The following NR4A3 variants were observed in gnomAD, a reference collection of about 807,000 sequenced individuals.
NR4A3 encodes chondrosarcoma, extraskeletal myxoid, fused to EWS.
Under a neutral mutation model 55.6 loss-of-function variants are expected in NR4A3, and 13 were observed. The observed-to-expected ratio is 0.23, with a 90% CI of 0.15 to 0.37. NR4A3 has a LOEUF of 0.37. Ranked by LOEUF, NR4A3 falls within the 10% of genes least tolerant of loss-of-function variation. The pLI is 1.00. For missense variants in NR4A3, 646 were observed against 822.8 expected (o/e 0.79, Z 2.63); for synonymous variants, 342 against 357.9 (o/e 0.96, Z 0.50).
Position 99,828,486 on chromosome 9 carries a change from C to T in NR4A3, c.444C>T (p.Phe148=). 1.3e-6 allele frequency: 2 copies of T among 1,578,088 alleles called. No homozygotes were observed. Among genetic ancestry groups the T allele is most frequent in the East Asian group, 2.2e-5 (1 of 44,518 alleles). ...SPPSTPTTPA[F]PPQAGALWDE... is the part of the protein sequence containing the mutation. ...CGTCCACCCCCACCACGCCGGCCTT[C>T]CCCCCGCAGGCGGGGGCGTTATGGG... Residue 148 remains phenylalanine, a synonymous_variant, in exon 3 of 8, where the codon TTC becomes TTT. Coordinates refer to ENST00000395097, the MANE Select transcript of NR4A3 (RefSeq NM_006981.4). The surrounding 1 kb of genome is among the most constrained non-coding windows in gnomAD (Gnocchi z 7.7).
chr9:99,828,288 C>T lies in NR4A3; in HGVS notation c.246C>T (p.Pro82=). The change falls in exon 3 of 8, where the codon CCC becomes CCT. Residue 82 remains proline (P), a synonymous_variant. Transcript: ENST00000395097. The surrounding 1 kb of genome is among the most constrained non-coding windows in gnomAD (Gnocchi z 7.7). Reference sequence around the variant, plus strand: ...CCTGCGTGTACCAAATGCAGCGGCCCTTGATCAAAGTGGAGGAGGGGCGGG... The same window carrying T: ...CCTGCGTGTACCAAATGCAGCGGCCTTTGATCAAAGTGGAGGAGGGGCGGG... ...KPSCVYQMQR[P]LIKVEEGRAP... is the part of the protein sequence containing the mutation. 1 of 1,613,982 alleles carries T rather than the reference C, an allele frequency of 6.2e-7. No individual in the cohort carries two copies. Among genetic ancestry groups the T allele is most frequent in the Non-Finnish European group, 8.5e-7 (1 of 1,180,006 alleles).
At chr9:99,823,673 G>GAT (rs761013381) in intron 1 of NR4A3, among the ~76,000 whole-genome samples, 12 of 152,100 alleles carry the variant, frequency 7.9e-5, no homozygotes, top group Non-Finnish European at 1.8e-4. Context: ...CGCTGAACAA[G>GAT]ATGCTCGCAG....
At chr9:99,863,126 TG>T (rs1828036816) in intron 7 of NR4A3, among the ~76,000 whole-genome samples, 1 of 152,236 alleles carries the variant, frequency 6.6e-6, no homozygotes, top group Non-Finnish European at 1.5e-5. Flanking sequence ...CTCCCTTAAA[TG>T]AGTCTGTCAA....
intron 3 of NR4A3, among the ~76,000 whole-genome samples, chr9:99,831,968 T>A (rs576207021): frequency 6.6e-6 from 1 of 152,300 alleles, no homozygotes; most frequent in Admixed American, 6.5e-5. Context: ...ACTGAAAATA[T>A]ATGGCTGTCA....
At chr9:99,847,705 A>G in intron 7 of NR4A3, 90 bp downstream of exon 7, 1 of 1,232,366 alleles carries the variant, frequency 8.1e-7, no homozygotes, top group Non-Finnish European at 1.1e-6. Context: ...ACACACCAGA[A>G]AAGTGGGAAA....
Position 99,828,666 on chromosome 9 carries a change from C to G in NR4A3, c.624C>G (p.Gly208=). 1 of 1,414,758 alleles carries G rather than the reference C, an allele frequency of 7.1e-7. No homozygotes were observed. The highest frequency in any genetic ancestry group is 1.5e-5 in the South Asian group (1 of 67,398). 87.6% of individuals were successfully genotyped at this position (1,414,758 alleles called of 1,614,324 possible). A position where few individuals can be genotyped will look rare whatever the true frequency, so the allele number is the denominator to read the frequency against. ...PHPPAPSPAG[G]HHLGYDPTAA... ...CCCCCGCGCCCAGCCCGGCCGGCGG[C>G]CACCACCTCGGCTACGACCCGACGG... Residue 208 remains glycine (G), a synonymous_variant, in exon 3 of 8, where the codon GGC becomes GGG. Transcript: ENST00000395097. The surrounding 1 kb of genome is among the most constrained non-coding windows in gnomAD (Gnocchi z 7.7).
At position 99,865,796 on chromosome 9, in the gene NR4A3, G is replaced by A. The variant is rs1587892454; in HGVS notation, c.*1929G>A. ...AAGAGTCATTCTAATATTTGATTAT[G>A]TTATGTGTGCTTTTATGAAAGATTG... On this transcript the variant is annotated 3_prime_UTR_variant, in exon 8 of 8. Coordinates refer to ENST00000395097, the MANE Select transcript of NR4A3 (RefSeq NM_006981.4). This position sits in a 1 kb window ranked among gnomAD's most constrained non-coding sequence, Gnocchi z 4.3. 7 of 209,958 alleles carry A rather than the reference G, an allele frequency of 3.3e-5. No homozygotes were observed. The East Asian group carries it at 5.0e-4, about 15-fold the overall frequency. 13.0% of individuals were successfully genotyped at this position (209,958 alleles called of 1,614,324 possible). A position where few individuals can be genotyped will look rare whatever the true frequency, so the allele number is the denominator to read the frequency against.
rs59274273 is a variant in NR4A3 at position 99,862,549 on chromosome 9, C to CAAAAAAAAAAAAA, written c.1634-1049_1634-1037dup. Among the ~76,000 whole-genome samples, 91 of 72,794 alleles carry CAAAAAAAAAAAAA rather than the reference C, an allele frequency of 1.3e-3. 2 individuals are homozygous for CAAAAAAAAAAAAA. Among genetic ancestry groups the CAAAAAAAAAAAAA allele is most frequent in the South Asian group, 1.6e-3 (2 of 1,240 alleles). 47.8% of individuals were successfully genotyped at this position (72,794 alleles called of 152,430 possible). On this transcript the variant is annotated intron_variant, in intron 7 of 7. Coordinates refer to ENST00000395097, the MANE Select transcript of NR4A3 (RefSeq NM_006981.4). ...TAGGCAACAGAGTAAGACTCTGTCT[C>CAAAAAAAAAAAAA]AAAAAAAAAAAAAAAAAAAAAAAAA...
chr9:99,843,056 C>T (rs905804096), intron 5 of NR4A3, among the ~76,000 whole-genome samples: 6 of 152,210 alleles, frequency 3.9e-5, no homozygotes, highest in African/African-American at 1.4e-4. Flanking sequence ...TAGTATCTTG[C>T]TGTGTCAGTC....
intron 7 of NR4A3, among the ~76,000 whole-genome samples, chr9:99,850,654 A>T (rs1827832501): frequency 6.6e-6 from 1 of 152,184 alleles, no homozygotes; most frequent in Non-Finnish European, 1.5e-5. Context: ...TTTAATCTTC[A>T]GTCCTATGTT....
In NR4A3 at chr9:99,866,759, C is replaced by T. The variant is rs947767666; in HGVS notation, c.*2892C>T. 7 of 217,900 alleles carry T rather than the reference C, an allele frequency of 3.2e-5. No individual in the cohort carries two copies. The highest frequency in any genetic ancestry group is 1.6e-4 in the African/African-American group (7 of 44,486). 13.5% of individuals were successfully genotyped at this position (217,900 alleles called of 1,614,324 possible). A position where few individuals can be genotyped will look rare whatever the true frequency, so the allele number is the denominator to read the frequency against. On this transcript the variant is annotated 3_prime_UTR_variant, in exon 8 of 8. Coordinates refer to ENST00000395097, the MANE Select transcript of NR4A3 (RefSeq NM_006981.4). ...AGTGCCTTGCTTTTATTTCAGACAG[C>T]AGAGTTTTCCAAAGTTTCTCTGCTC...
chr9:99,852,626 C>T (rs1827868790), intron 7 of NR4A3, among the ~76,000 whole-genome samples: 1 of 152,158 alleles, frequency 6.6e-6, no homozygotes, highest in Non-Finnish European at 1.5e-5. Flanking sequence ...TGCTCAAATG[C>T]CATTTTGTTG....
At chr9:99,833,992 G>A in intron 5 of NR4A3, 1 of 1,125,180 alleles carries the variant, frequency 8.9e-7, no homozygotes, top group Non-Finnish European at 1.1e-6. Context: ...TCCTGCCTGT[G>A]TCACCTGGTT....
intron 7 of NR4A3, among the ~76,000 whole-genome samples, chr9:99,856,531 C>T (rs545021021): frequency 1.1e-4 from 17 of 152,190 alleles, no homozygotes; most frequent in African/African-American, 3.6e-4. Context: ...ATTGGGGACC[C>T]CTGATATATA....
Position 99,864,029 on chromosome 9 carries a change from C to A in NR4A3, c.*162C>A. On this transcript the variant is annotated 3_prime_UTR_variant, in exon 8 of 8. Transcript: ENST00000395097. ...CTTTTTTTTCTGGCTCTTTTCCTTA[C>A]AACCTAAAGCCAGAAAACTTGCAGA... 1 of 766,468 alleles carries A rather than the reference C, an allele frequency of 1.3e-6. No individual in the cohort carries two copies. The highest frequency in any genetic ancestry group is 2.0e-6 in the Non-Finnish European group (1 of 502,196). 47.5% of individuals were successfully genotyped at this position (766,468 alleles called of 1,614,324 possible). A position where few individuals can be genotyped will look rare whatever the true frequency, so the allele number is the denominator to read the frequency against.
rs548976558 is a variant in NR4A3, at chr9:99,865,613, T to C, written c.*1746T>C. On this transcript the variant is annotated 3_prime_UTR_variant, in exon 8 of 8. Transcript: ENST00000395097. The surrounding 1 kb of genome is among the most constrained non-coding windows in gnomAD (Gnocchi z 4.3). ...GTCAAACTGATGTCACAGTAGTTTT[T>C]GTTAGCTTTAAATCATTTTTGCTTT... is the stretch of plus-strand genomic sequence containing the variant. 5.2e-6 allele frequency: 1 copy of C among 191,338 alleles called. No individual in the cohort carries two copies. The highest frequency in any genetic ancestry group is 2.3e-5 in the African/African-American group (1 of 43,150). 11.9% of individuals were successfully genotyped at this position (191,338 alleles called of 1,614,324 possible).
intron 3 of NR4A3, among the ~76,000 whole-genome samples, chr9:99,830,066 C>T (rs1024796142): frequency 2.6e-5 from 4 of 152,230 alleles, no homozygotes; most frequent in African/African-American, 9.6e-5. Context: ...CTTCTCACTC[C>T]TCACCCCACT....
chr9:99,832,057 A>G (rs1827454114), intron 3 of NR4A3, among the ~76,000 whole-genome samples: 1 of 152,134 alleles, frequency 6.6e-6, no homozygotes, highest in Admixed American at 6.5e-5. Flanking sequence ...ATGATTTGTA[A>G]TAACTACTTT....
rs540069228 is a variant in NR4A3 at position 99,855,926 on chromosome 9, A to G, written c.1634-7694A>G. On this transcript the variant is annotated intron_variant, in intron 7 of 7. Transcript: ENST00000395097. The stretch of plus-strand genomic sequence containing the variant: ...CTTGGTGGGGCTCCTGATGGTTACT[A>G]TCATCCCTTTCTTTATCCCCTACTC... 2.0e-5 allele frequency among the ~76,000 whole-genome samples: 3 copies of G among 152,164 alleles called. No homozygotes were observed. In the East Asian group the frequency reaches 5.8e-4, roughly 29 times the overall value.
Sources: allele counts gnomAD v4.1 joint callset (sites outside exome capture counted in the v4.1 genomes callset), GRCh38; gene constraint gnomAD v4.1.1; non-coding constraint Gnocchi (gnomAD v3.1); transcripts MANE v1.5; gene names NCBI Gene and HGNC (gene_info 2026-07-23, HGNC 2026-07-21).